Variants in IL17RD observed in about 807,000 individuals in gnomAD.
IL17RD encodes interleukin-17 receptor D.
A neutral mutation model predicts 80.5 loss-of-function variants in IL17RD; 52 were observed. The observed-to-expected ratio is 0.65, with a 90% CI of 0.52 to 0.81. The LOEUF (loss-of-function observed/expected upper bound fraction) is 0.81, where lower values mean the gene tolerates loss of function less well. Ranked by LOEUF, IL17RD falls within the 40% of genes least tolerant of loss-of-function variation. The pLI, the probability that IL17RD is intolerant of heterozygous loss-of-function variation, is 0.00. For missense variants in IL17RD, 1,024 were observed against 955.1 expected (o/e 1.07, Z -0.95); for synonymous variants, 416 against 391.8 (o/e 1.06, Z -0.73).
At chr3:57,134,770 T>A (rs1392499434) in intron 1 of IL17RD, 2 of 466,418 alleles carry the variant, frequency 4.3e-6, no homozygotes, top group Non-Finnish European at 7.9e-6. Context: ...ATTACGTAGA[T>A]CAACCACTAA....
intron 1 of IL17RD, among the ~76,000 whole-genome samples, chr3:57,124,691 G>A (rs1192022664): frequency 2.0e-5 from 3 of 152,158 alleles, no homozygotes; most frequent in African/African-American, 7.2e-5. Flanking sequence ...ACTATAATAA[G>A]ACAATAAACG....
intron 1 of IL17RD, among the ~76,000 whole-genome samples, chr3:57,133,212 C>G (rs1166395655): frequency 1.3e-5 from 2 of 152,182 alleles, no homozygotes; most frequent in East Asian, 3.8e-4. Flanking sequence ...TGACTTTTAC[C>G]TTTTGCCAAA....
rs1269563449 is a variant in IL17RD at position 57,095,255 on chromosome 3, A to C, written c.*1138T>G. ...GGGAGACCAAGACAGCATTCATTAC[A>C]CACATGCTAATCATCAGATGGGATG... On this transcript the variant is annotated 3_prime_UTR_variant, in exon 13 of 13. Transcript: ENST00000296318. The C allele has an allele frequency of 6.6e-6, 1 of 152,216 alleles. No homozygotes were observed. The highest frequency in any genetic ancestry group is 1.5e-5 in the Non-Finnish European group (1 of 68,046). 9.4% of individuals were successfully genotyped at this position (152,216 alleles called of 1,614,324 possible).
intron 3 of IL17RD, among the ~76,000 whole-genome samples, chr3:57,113,294 A>G (rs1209208462): frequency 6.6e-6 from 1 of 152,082 alleles, no homozygotes; most frequent in Admixed American, 6.6e-5. Flanking sequence ...CTGGAGCGCA[A>G]TGGTGCGATC....
chr3:57,110,106 CTTCTCCAAT>C, intron 4 of IL17RD, 78 bp downstream of exon 4: 2 of 1,482,114 alleles, frequency 1.3e-6, no homozygotes, highest in Non-Finnish European at 9.1e-7. Context: ...ATAGCCCCTC[CTTCTCCAAT>C]TTCAGACTTT....
At chr3:57,142,808 T>C (rs1707856172) in intron 1 of IL17RD, among the ~76,000 whole-genome samples, 1 of 152,008 alleles carries the variant, frequency 6.6e-6, no homozygotes, top group Non-Finnish European at 1.5e-5. Flanking sequence ...AAAAAAAAAC[T>C]TTAAACTGGA....
intron 1 of IL17RD, among the ~76,000 whole-genome samples, chr3:57,148,099 G>C (rs1186111203): frequency 2.7e-5 from 3 of 113,138 alleles, no homozygotes; most frequent in Non-Finnish European, 3.7e-5. Context: ...GGGGGGGGGG[G>C]GGGGGCGATC....
chr3:57,161,777 C>T (rs1248777898), intron 1 of IL17RD, among the ~76,000 whole-genome samples: 3 of 152,250 alleles, frequency 2.0e-5, no homozygotes, highest in African/African-American at 7.2e-5. Flanking sequence ...ATGAACCAAA[C>T]TTGCTTCTAG....
chr3:57,143,682 A>G (rs1304067925), intron 1 of IL17RD, among the ~76,000 whole-genome samples: 1 of 152,236 alleles, frequency 6.6e-6, no homozygotes, highest in Non-Finnish European at 1.5e-5. Flanking sequence ...TCTGTACTCA[A>G]TAGGGTAATC....
chr3:57,152,538 T>C (rs771061508), intron 1 of IL17RD, among the ~76,000 whole-genome samples: 6 of 152,208 alleles, frequency 3.9e-5, no homozygotes, highest in Admixed American at 6.5e-5. Flanking sequence ...TCTGGACTTA[T>C]GAATAAAAGA....
intron 1 of IL17RD, among the ~76,000 whole-genome samples, chr3:57,157,499 C>T (rs2060276014): frequency 6.6e-6 from 1 of 152,218 alleles, no homozygotes; most frequent in Admixed American, 6.5e-5. Flanking sequence ...TGCCTCCTCA[C>T]TCCAAATAAG....
rs1706561614 is a variant in IL17RD, at chr3:57,091,829, G to T, written c.*4564C>A. ...TAAAGAATACCATCTACAGCCATAT[G>T]TCTGGAATAATTCAGGCACAGCCCT... On this transcript the variant is annotated 3_prime_UTR_variant, in exon 13 of 13. Coordinates refer to ENST00000296318, the MANE Select transcript of IL17RD (RefSeq NM_017563.5). 2 of 152,226 alleles carry T rather than the reference G, an allele frequency of 1.3e-5. No individual in the cohort carries two copies. Among genetic ancestry groups the T allele is most frequent in the Admixed American group, 1.3e-4 (2 of 15,286 alleles). The allele number at this position is 152,226 out of a possible 1,614,324, so 9.4% of individuals were successfully genotyped here.
At chr3:57,165,746 T>C (rs2060345315), upstream of IL17RD, among the ~76,000 whole-genome samples, 1 of 152,176 alleles carries the variant, frequency 6.6e-6, no homozygotes. Context: ...AGTGTATTAT[T>C]GTTATCCCAG....
intron 1 of IL17RD, among the ~76,000 whole-genome samples, chr3:57,162,732 G>A (rs1047326828): frequency 6.6e-6 from 1 of 152,096 alleles, no homozygotes; most frequent in Admixed American, 6.5e-5. Context: ...AAGGCAGCAG[G>A]GTCTAATTTG....
chr3:57,127,412 A>ATTTTTT lies in IL17RD; in HGVS notation c.127-7105_127-7100dup, dbSNP rs58398251. On this transcript the variant is annotated intron_variant, in intron 1 of 12. Coordinates refer to ENST00000296318, the MANE Select transcript of IL17RD (RefSeq NM_017563.5). The stretch of plus-strand genomic sequence containing the variant: ...AATAAATAAATATATATATATATAT[A>ATTTTTT]TTTTTTTTTTGAGATAAGAGTCTTG... Among the ~76,000 whole-genome samples, 193 of 91,190 alleles carry ATTTTTT rather than the reference A, an allele frequency of 2.1e-3. 7 individuals carry two copies. Among genetic ancestry groups the ATTTTTT allele is most frequent in the African/African-American group, 8.1e-3 (165 of 20,468 alleles). The allele number at this position is 91,190 out of a possible 152,430, so 59.8% of individuals were successfully genotyped here. A position where few individuals can be genotyped will look rare whatever the true frequency, so the allele number is the denominator to read the frequency against.
chr3:57,139,920 A>T (rs922569895), intron 1 of IL17RD, among the ~76,000 whole-genome samples: 1 of 152,130 alleles, frequency 6.6e-6, no homozygotes, highest in Admixed American at 6.5e-5. Flanking sequence ...CTGTTATTCA[A>T]ACTCAACTCC....
intron 1 of IL17RD, among the ~76,000 whole-genome samples, chr3:57,130,816 ATG>A (rs1003838181): frequency 6.6e-6 from 1 of 152,178 alleles, no homozygotes; most frequent in African/African-American, 2.4e-5. Flanking sequence ...TGTTGTCAGT[ATG>A]TGTGCCCAGC....
chr3:57,102,386 T>C, intron 10 of IL17RD, 93 bp downstream of exon 10: 1 of 552,860 alleles, frequency 1.8e-6, no homozygotes. Context: ...GGCGCCATCC[T>C]GGAGGACCCA....
intron 1 of IL17RD, among the ~76,000 whole-genome samples, chr3:57,130,843 C>G (rs1425758532): frequency 6.6e-6 from 1 of 152,146 alleles, no homozygotes; most frequent in Non-Finnish European, 1.5e-5. Flanking sequence ...AAGCCAACAA[C>G]AACAACAAAA....
Sources: allele counts gnomAD v4.1 joint callset (sites outside exome capture counted in the v4.1 genomes callset), GRCh38; gene constraint gnomAD v4.1.1; transcripts MANE v1.5; gene names NCBI Gene and HGNC (gene_info 2026-07-23, HGNC 2026-07-21).